FBXL7: variants seen among roughly 807,000 people sequenced by gnomAD.
FBXL7 encodes the protein F-box/LRR-repeat protein 7.
A neutral mutation model predicts 38.3 loss-of-function variants in FBXL7; 12 were observed. That is an observed-to-expected ratio of 0.31 (90% confidence interval 0.20 to 0.51). FBXL7 has a LOEUF of 0.51. Ranked by LOEUF, FBXL7 falls within the 20% of genes least tolerant of loss-of-function variation. The pLI is 0.98. For synonymous variants in FBXL7, 297 were observed against 300.9 expected (o/e 0.99, Z 0.13); for missense variants, 567 against 676.4 (o/e 0.84, Z 1.79).
chr5:15,868,045 G>A (rs962471474), intron 2 of FBXL7, among the ~76,000 whole-genome samples: 9 of 151,404 alleles, frequency 5.9e-5, no homozygotes, highest in South Asian at 4.2e-4. Flanking sequence ...CGGAGGTTGC[G>A]GTGAGCTGAG....
intron 2 of FBXL7, among the ~76,000 whole-genome samples, chr5:15,676,107 A>G (rs1742645571): frequency 6.6e-6 from 1 of 152,140 alleles, no homozygotes; most frequent in African/African-American, 2.4e-5. Flanking sequence ...TGCCCTGCTT[A>G]GGCCTCATTT....
intron 2 of FBXL7, among the ~76,000 whole-genome samples, chr5:15,781,508 A>C (rs1736993185): frequency 6.6e-6 from 1 of 151,962 alleles, no homozygotes; most frequent in Admixed American, 6.6e-5. Context: ...TATATTCAGT[A>C]GTAAGAAGCC....
At chr5:15,863,714 T>G (rs1426579255) in intron 2 of FBXL7, among the ~76,000 whole-genome samples, 1 of 152,132 alleles carries the variant, frequency 6.6e-6, no homozygotes, top group African/African-American at 2.4e-5. Flanking sequence ...AGAATAATGC[T>G]CTCTTTTGGT....
chr5:15,915,370 GCTT>G, intron 2 of FBXL7, among the ~76,000 whole-genome samples: 1 of 152,130 alleles, frequency 6.6e-6, no homozygotes, highest in Admixed American at 6.5e-5. Flanking sequence ...ATCCTTTCTT[GCTT>G]CTTGCAGCTC....
chr5:15,536,105 T>A (rs1412532547), intron 1 of FBXL7, among the ~76,000 whole-genome samples: 1 of 152,220 alleles, frequency 6.6e-6, no homozygotes, highest in Admixed American at 6.5e-5. Flanking sequence ...GGCCTGCAGG[T>A]GTGCAGAAGC....
chr5:15,935,004 G>A (rs957706160), intron 3 of FBXL7, among the ~76,000 whole-genome samples: 62 of 152,302 alleles, frequency 4.1e-4, no homozygotes, highest in Non-Finnish European at 8.1e-4. Context: ...TACAAGCATG[G>A]TTGGGGACAA....
At chr5:15,925,673 T>G (rs1741860760) in intron 2 of FBXL7, among the ~76,000 whole-genome samples, 2 of 152,234 alleles carry the variant, frequency 1.3e-5, no homozygotes, top group Admixed American at 6.5e-5. Flanking sequence ...TAATTAGAGC[T>G]GGAAATGACT....
At chr5:15,545,701 A>G (rs1010415632) in intron 1 of FBXL7, among the ~76,000 whole-genome samples, 3 of 152,222 alleles carry the variant, frequency 2.0e-5, no homozygotes, top group Non-Finnish European at 4.4e-5. Context: ...TGCTCTTTAT[A>G]TGTTTGTAGC....
chr5:15,688,026 C>A (rs1039087797), intron 2 of FBXL7, among the ~76,000 whole-genome samples: 13 of 152,184 alleles, frequency 8.5e-5, no homozygotes, highest in African/African-American at 2.9e-4. Context: ...GCAAAGCATG[C>A]AACTAGACTA....
chr5:15,633,657 G>A (rs1258033167), intron 2 of FBXL7, among the ~76,000 whole-genome samples: 1 of 151,532 alleles, frequency 6.6e-6, no homozygotes, highest in Non-Finnish European at 1.5e-5. Flanking sequence ...GTCAGGTATT[G>A]TACTTGGGTA....
chr5:15,727,764 T>C (rs1013634046), intron 2 of FBXL7, among the ~76,000 whole-genome samples: 1 of 152,194 alleles, frequency 6.6e-6, no homozygotes, highest in East Asian at 1.9e-4. Context: ...ATGTCTTTCA[T>C]CAAATTTGGG....
intron 1 of FBXL7, among the ~76,000 whole-genome samples, chr5:15,596,280 A>G (rs1159217334): frequency 6.6e-6 from 1 of 152,220 alleles, no homozygotes. Flanking sequence ...AAAGCATGGT[A>G]TAATTCATTT....
intron 2 of FBXL7, among the ~76,000 whole-genome samples, chr5:15,715,252 G>A (rs1744008218): frequency 6.6e-6 from 1 of 152,040 alleles, no homozygotes; most frequent in Non-Finnish European, 1.5e-5. Context: ...CAGCACTTTG[G>A]GAGGCCGAGG....
intron 1 of FBXL7, among the ~76,000 whole-genome samples, chr5:15,603,195 A>C (rs139664975): frequency 6.6e-6 from 1 of 152,136 alleles, no homozygotes; most frequent in Non-Finnish European, 1.5e-5. Context: ...TCCCTAGCCT[A>C]ATATGAACTG....
At chr5:15,853,113 G>A (rs1322380026) in intron 2 of FBXL7, among the ~76,000 whole-genome samples, 1 of 152,138 alleles carries the variant, frequency 6.6e-6, no homozygotes, top group African/African-American at 2.4e-5. Flanking sequence ...AATCCTGCTG[G>A]CAAATGAAGA....
chr5:15,879,625 C>G (rs1176339924), intron 2 of FBXL7, among the ~76,000 whole-genome samples: 1 of 152,162 alleles, frequency 6.6e-6, no homozygotes, highest in African/African-American at 2.4e-5. Flanking sequence ...TCCTTTCATC[C>G]TTGTGACAGA....
intron 1 of FBXL7, among the ~76,000 whole-genome samples, chr5:15,528,630 T>A (rs1737321636): frequency 6.6e-6 from 1 of 152,092 alleles, no homozygotes; most frequent in African/African-American, 2.4e-5. Context: ...AAGAACAGTA[T>A]GGGGGAAACT....
chr5:15,813,075 A>G (rs541451350), intron 2 of FBXL7, among the ~76,000 whole-genome samples: 3 of 152,318 alleles, frequency 2.0e-5, no homozygotes, highest in Admixed American at 2.0e-4. Context: ...GTCATCTGCA[A>G]ACAGAGATAA....
At chr5:15,517,214 G>A (rs907064767) in intron 1 of FBXL7, among the ~76,000 whole-genome samples, 1 of 152,004 alleles carries the variant, frequency 6.6e-6, no homozygotes, top group African/African-American at 2.4e-5. Context: ...TTTTAGTAGA[G>A]ACGGGGTTTC....
Sources: gnomAD v4.1 joint callset for allele counts (sites outside exome capture counted in the v4.1 genomes callset) on GRCh38, gnomAD v4.1.1 for gene constraint, MANE v1.5 for transcripts, NCBI Gene and HGNC (gene_info 2026-07-23, HGNC 2026-07-21) for gene names.